NOS2: variants seen among roughly 807,000 people sequenced by gnomAD.
NOS2 encodes the protein nitric oxide synthase, inducible.
NOS2 carries 96 observed loss-of-function variants against 136.0 expected under a neutral mutation model. The ratio of observed to expected loss-of-function variants is 0.71; its 90% CI spans 0.60 to 0.84. The LOEUF (loss-of-function observed/expected upper bound fraction) is 0.84, where lower values mean the gene tolerates loss of function less well. Ranked by LOEUF, NOS2 falls within the 40% of genes least tolerant of loss-of-function variation. The pLI, the probability that NOS2 is intolerant of heterozygous loss-of-function variation, is 0.00. For missense variants in NOS2, 1,237 were observed against 1,496.9 expected, an observed-to-expected ratio of 0.83 and a Z score of 2.87; for synonymous variants, 539 against 587.5, an observed-to-expected ratio of 0.92 and a Z score of 1.20.
chr17:27,797,439 T>A (rs1305846951), intron 2 of NOS2, among the ~76,000 whole-genome samples: 1 of 152,218 alleles, frequency 6.6e-6, no homozygotes, highest in Non-Finnish European at 1.5e-5. Flanking sequence ...AGGAGGAAAT[T>A]GAGGCTCAGA....
chr17:27,786,734 C>T (rs907913200), intron 5 of NOS2, among the ~76,000 whole-genome samples: 3 of 152,194 alleles, frequency 2.0e-5, no homozygotes, highest in South Asian at 2.1e-4. Flanking sequence ...TCACCATTTT[C>T]GGTAAGAAAA....
At chr17:27,786,865 G>A (rs1187442897) in intron 5 of NOS2, among the ~76,000 whole-genome samples, 1 of 152,148 alleles carries the variant, frequency 6.6e-6, no homozygotes, top group African/African-American at 2.4e-5. Context: ...GATTAAAATT[G>A]TATACGTTGG....
chr17:27,771,721 T>C (rs1908501292), intron 14 of NOS2, among the ~76,000 whole-genome samples: 1 of 152,006 alleles, frequency 6.6e-6, no homozygotes, highest in Admixed American at 6.6e-5. Flanking sequence ...TCCTCCTCTG[T>C]GCATTAACAA....
chr17:27,774,465 CA>C lies in NOS2; in HGVS notation c.1282-15del, dbSNP rs1800194364. On this transcript the variant is annotated splice_polypyrimidine_tract_variant and intron_variant, in intron 11 of 26. Coordinates refer to ENST00000313735, the MANE Select transcript of NOS2 (RefSeq NM_000625.4). ...CACATTCTGCTTCTGTATCAGAAGGCAAGATAGGGAGTGGAGATAAGGGTGG... is the reference window on the plus strand; with the variant it reads ...CACATTCTGCTTCTGTATCAGAAGGCAGATAGGGAGTGGAGATAAGGGTGG... 3 of 1,447,742 alleles carry C rather than the reference CA, an allele frequency of 2.1e-6. No homozygotes were observed. The highest frequency in any genetic ancestry group is 1.8e-6 in the Non-Finnish European group (2 of 1,089,956). The allele number at this position is 1,447,742 out of a possible 1,614,324, so 89.7% of individuals were successfully genotyped here. A position where few individuals can be genotyped will look rare whatever the true frequency, so the allele number is the denominator to read the frequency against.
At chr17:27,765,355 G>A (rs1908262845) in intron 20 of NOS2, among the ~76,000 whole-genome samples, 180 bp downstream of exon 20, 1 of 152,204 alleles carries the variant, frequency 6.6e-6, no homozygotes. Flanking sequence ...TAAGGCCAGG[G>A]GGCCATGCCT....
chr17:27,775,235 G>A (rs1285028459), intron 11 of NOS2, among the ~76,000 whole-genome samples: 1 of 152,264 alleles, frequency 6.6e-6, no homozygotes, highest in African/African-American at 2.4e-5. Flanking sequence ...CGAGGTGGGA[G>A]GACTGCTTGA....
At position 27,781,131 on chromosome 17, in the gene NOS2, A is replaced by G; in HGVS notation, c.769T>C (p.Phe257Leu). The change falls in exon 8 of 27, where the codon TTC becomes CTC. Residue 257 changes from phenylalanine (F) to leucine (L), a missense_variant. By Grantham distance (22) the Phe-to-Leu change is conservative. Transcript: ENST00000313735. ...ATGAGCTGAGCATTCCACACCCGGA[A>G]GTCGTGCTTGCCATCACTCCGCTGG... Reference protein sequence around the residue: ...FPQRSDGKHDFRVWNAQLIRY... With the variant: ...FPQRSDGKHDLRVWNAQLIRY... 1 of 1,612,460 alleles carries G rather than the reference A, an allele frequency of 6.2e-7. No homozygotes were observed.
intron 20 of NOS2, among the ~76,000 whole-genome samples, chr17:27,765,189 T>C (rs1344473313): frequency 2.0e-5 from 3 of 152,226 alleles, no homozygotes; most frequent in African/African-American, 7.2e-5. Context: ...GGTTTTGCCA[T>C]GTTGGCCAGG....
chr17:27,782,122 CAGACCATGCCCATCAA>C lies in NOS2; in HGVS notation c.631-32_631-17del. On this transcript the variant is annotated splice_polypyrimidine_tract_variant and intron_variant, in intron 6 of 26. Coordinates refer to ENST00000313735, the MANE Select transcript of NOS2 (RefSeq NM_000625.4). The stretch of plus-strand genomic sequence containing the variant: ...CATCGAAGACCTGCAACAGCCCATC[CAGACCATGCCCATCAA>C]AGACTGGGTAGACAGAGGCTTTGAG... The C allele has an allele frequency of 6.2e-7, 1 of 1,612,158 alleles. No individual in the cohort carries two copies. The highest frequency in any genetic ancestry group is 8.5e-7 in the Non-Finnish European group (1 of 1,178,796).
chr17:27,768,934 C>T (rs780968190), intron 17 of NOS2, 43 bp downstream of exon 17: 2 of 1,533,980 alleles, frequency 1.3e-6, no homozygotes, highest in Non-Finnish European at 8.8e-7. Flanking sequence ...TGAATGCACC[C>T]TGTCATGTCC....
chr17:27,762,786 C>T lies in NOS2; in HGVS notation c.2800+12G>A, dbSNP rs1273702487. The T allele has an allele frequency of 6.5e-7, 1 of 1,536,086 alleles. No homozygotes were observed. On this transcript the variant is annotated intron_variant, in intron 22 of 26. Coordinates refer to ENST00000313735, the MANE Select transcript of NOS2 (RefSeq NM_000625.4). Reference sequence around the variant, plus strand: ...GAGCGGGGCTGTTCCAGAGCCTCTGCCCCTGGCTCACCTCGGGTGTGGTAG... The same window carrying T: ...GAGCGGGGCTGTTCCAGAGCCTCTGTCCCTGGCTCACCTCGGGTGTGGTAG...
chr17:27,781,007 T>C (rs764392820), intron 8 of NOS2, 29 bp downstream of exon 8: 10 of 1,607,998 alleles, frequency 6.2e-6, no homozygotes, highest in Non-Finnish European at 8.5e-6. Context: ...CCCGCCCCAA[T>C]GGCCGGTGGC....
chr17:27,784,612 G>C (rs905312666), intron 5 of NOS2, among the ~76,000 whole-genome samples: 1 of 152,200 alleles, frequency 6.6e-6, no homozygotes, highest in African/African-American at 2.4e-5. Context: ...TTTTAGATGT[G>C]ATAGCCATTT....
At position 27,757,022 on chromosome 17, in the gene NOS2, C is replaced by G. The variant is rs200960935; in HGVS notation, c.*224G>C. 2.8e-5 allele frequency: 13 copies of G among 465,162 alleles called. No homozygotes were observed. The East Asian group carries it at 4.6e-4, about 16-fold the overall frequency. 28.8% of individuals were successfully genotyped at this position (465,162 alleles called of 1,614,324 possible). On this transcript the variant is annotated 3_prime_UTR_variant, in exon 27 of 27. Transcript: ENST00000313735. ...CATTTAAGATTTTGTCTCCAAGGGACCAGGGAGGCCCCAGTTTGAGAGAGG... is the reference window on the plus strand; with the variant it reads ...CATTTAAGATTTTGTCTCCAAGGGAGCAGGGAGGCCCCAGTTTGAGAGAGG...
Position 27,766,581 on chromosome 17 carries a change from G to A in NOS2, c.2175C>T (p.Ser725=). ...TGAACACGTTCTTGGCATGCATGCT[G>A]CTGAGGGCTGTGGAGGACACAGAGA... The part of the protein sequence containing the change: ...SQPLDLSKAL[S]SMHAKNVFTM... The change falls in exon 19 of 27, where the codon AGC becomes AGT. Residue 725 remains serine (S), a synonymous_variant. Coordinates refer to ENST00000313735, the MANE Select transcript of NOS2 (RefSeq NM_000625.4). 1 of 1,613,960 alleles carries A rather than the reference G, an allele frequency of 6.2e-7. No homozygotes were observed.
In NOS2 at chr17:27,788,880, G is replaced by T. The variant is rs200696035; in HGVS notation, c.247C>A (p.Arg83=). Reference sequence around the variant, plus strand: ...CCCCAGTTTTTGATCCTCACATGCCGTGGGGAGGACAATGGGGTTGCATCC... The same window carrying T: ...CCCCAGTTTTTGATCCTCACATGCCTTGGGGAGGACAATGGGGTTGCATCC... The part of the protein sequence containing the change: ...KLDATPLSSP[R]HVRIKNWGSG... Residue 83 remains arginine (R), a synonymous_variant, in exon 4 of 27, where the codon CGG becomes AGG. Transcript: ENST00000313735. 1.2e-6 allele frequency: 2 copies of T among 1,614,198 alleles called. No individual in the cohort carries two copies. The highest frequency in any genetic ancestry group is 4.5e-5 in the East Asian group (2 of 44,888).
At chr17:27,765,192 T>C (rs573029060) in intron 20 of NOS2, among the ~76,000 whole-genome samples, 158 of 152,362 alleles carry the variant, frequency 1.0e-3, no homozygotes, top group African/African-American at 3.6e-3. Flanking sequence ...TTTGCCATGT[T>C]GGCCAGGATT....
intron 4 of NOS2, among the ~76,000 whole-genome samples, chr17:27,788,456 C>T (rs780000111): frequency 6.6e-6 from 1 of 152,212 alleles, no homozygotes; most frequent in Non-Finnish European, 1.5e-5. Flanking sequence ...TTAAATCCTT[C>T]CAGTGACAGG....
At position 27,764,034 on chromosome 17, in the gene NOS2, C is replaced by A. The variant is rs765831917; in HGVS notation, c.2539G>T (p.Ala847Ser). ...PPTQLLLQKLAQVATEEPERQ... is the reference protein window; with the variant it reads ...PPTQLLLQKLSQVATEEPERQ... ...TCAGGCTCTTCTGTGGCCACCTGGG[C>A]CAGCTTTTGGAGCAGCAGCTGGGTT... The change falls in exon 21 of 27, where the codon GCC becomes TCC. Residue 847 changes from alanine to serine, a missense_variant. Physicochemically the swap from Ala to Ser is moderately conservative, Grantham distance 99. This residue lies in a region of NOS2 where 782 missense variants were observed against 909.9 expected (regional missense o/e 0.86). Transcript: ENST00000313735. 2.5e-6 allele frequency: 4 copies of A among 1,613,698 alleles called. No homozygotes were observed. Among genetic ancestry groups the A allele is most frequent in the African/African-American group, 2.7e-5 (2 of 75,028 alleles).
Sources: allele counts gnomAD v4.1 joint callset (sites outside exome capture counted in the v4.1 genomes callset), GRCh38; gene constraint gnomAD v4.1.1; regional missense constraint gnomAD v4.1.1; transcripts MANE v1.5; gene names NCBI Gene and HGNC (gene_info 2026-07-23, HGNC 2026-07-21).